The following CCDC73 variants were observed in gnomAD, a reference collection of about 807,000 sequenced individuals.
CCDC73 encodes coiled-coil domain-containing protein 73.
Under a neutral mutation model 116.5 loss-of-function variants are expected in CCDC73, and 95 were observed. The ratio of observed to expected loss-of-function variants is 0.82; its 90% CI spans 0.69 to 0.97. The LOEUF (loss-of-function observed/expected upper bound fraction) is 0.97, where lower values mean the gene tolerates loss of function less well. CCDC73 is among the 50% of genes least tolerant of loss of function. The pLI is 0.00. For missense variants in CCDC73, 1,066 were observed against 1,206.8 expected (o/e 0.88, Z 1.73); for synonymous variants, 398 against 401.3 (o/e 0.99, Z 0.10).
At position 32,663,778 on chromosome 11, in the gene CCDC73, C is replaced by T. The variant is rs573658710; in HGVS notation, c.646-8806G>A. Among the ~76,000 whole-genome samples the T allele has an allele frequency of 1.2e-4, 18 of 152,240 alleles. No individual in the cohort carries two copies. The South Asian group carries it at 2.5e-3, about 21-fold the overall frequency. On this transcript the variant is annotated intron_variant, in intron 9 of 17. Transcript: ENST00000335185. ...GTGCCAGTTTTCAAAGGGAATGCTT[C>T]GAGTTTTTGCCCATTCAGTATGATG...
intron 14 of CCDC73, 28 bp downstream of exon 14, chr11:32,635,668 T>C (rs1372535880): frequency 3.9e-6 from 5 of 1,265,990 alleles, no homozygotes; most frequent in Non-Finnish European, 5.1e-6. Flanking sequence ...TTTGATAGTT[T>C]GTACCCCACA....
At chr11:32,643,308 GTT>G (rs1855749546) in intron 12 of CCDC73, among the ~76,000 whole-genome samples, 1 of 152,136 alleles carries the variant, frequency 6.6e-6, no homozygotes, top group Admixed American at 6.5e-5. Context: ...GATTGCCTCT[GTT>G]TCAGGATAAC....
Position 32,629,941 on chromosome 11 carries a change from A to C in CCDC73, c.1185+5755T>G, listed in dbSNP as rs1476240423. Among the ~76,000 whole-genome samples, 6 of 151,482 alleles carry C rather than the reference A, an allele frequency of 4.0e-5. No individual in the cohort carries two copies. The East Asian group carries it at 9.7e-4, about 24-fold the overall frequency. ...ATATGCAAAAAAAAAAAAACAAAAA[A>C]AAAACGTTAAAAGGAAGTTCTTCAG... On this transcript the variant is annotated intron_variant, in intron 14 of 17. Coordinates refer to ENST00000335185, the MANE Select transcript of CCDC73 (RefSeq NM_001008391.4).
intron 7 of CCDC73, among the ~76,000 whole-genome samples, chr11:32,679,564 G>A (rs1190879104): frequency 1.3e-5 from 2 of 151,970 alleles, no homozygotes; most frequent in African/African-American, 4.8e-5. Context: ...GGGTTTCACT[G>A]TGTTGCCCAG....
chr11:32,611,537 AAAAC>A (rs757573459), intron 16 of CCDC73, among the ~76,000 whole-genome samples: 6 of 152,224 alleles, frequency 3.9e-5, no homozygotes, highest in Non-Finnish European at 7.3e-5. Context: ...AATACCTTCT[AAAAC>A]AAAATAACTC....
At chr11:32,715,300 T>G (rs922136447) in intron 3 of CCDC73, among the ~76,000 whole-genome samples, 4 of 152,184 alleles carry the variant, frequency 2.6e-5, no homozygotes, top group Non-Finnish European at 4.4e-5. Context: ...CTCTGTTCTC[T>G]TGGTTTAATA....
intron 12 of CCDC73, among the ~76,000 whole-genome samples, chr11:32,642,985 T>C (rs1475345408): frequency 6.6e-6 from 1 of 151,438 alleles, no homozygotes; most frequent in Non-Finnish European, 1.5e-5. Context: ...GTACGTAAAA[T>C]ATATATATAT....
intron 1 of CCDC73, among the ~76,000 whole-genome samples, chr11:32,790,336 T>A (rs1850664047): frequency 6.6e-6 from 1 of 152,224 alleles, no homozygotes; most frequent in South Asian, 2.1e-4. Flanking sequence ...CTATACTTAT[T>A]GTCAGATCAT....
At chr11:32,672,565 A>G (rs1856049510) in intron 9 of CCDC73, among the ~76,000 whole-genome samples, 1 of 152,180 alleles carries the variant, frequency 6.6e-6, no homozygotes, top group Non-Finnish European at 1.5e-5. Context: ...AAGAGACATC[A>G]ATGAAAATGT....
intron 6 of CCDC73, among the ~76,000 whole-genome samples, chr11:32,698,763 T>C (rs142517583): frequency 2.6e-5 from 4 of 152,346 alleles, no homozygotes; most frequent in African/African-American, 9.6e-5. Flanking sequence ...TGTTTGCACA[T>C]AGTAGACCCT....
intron 2 of CCDC73, among the ~76,000 whole-genome samples, chr11:32,734,452 T>C (rs1425935174): frequency 6.7e-6 from 1 of 150,344 alleles, no homozygotes. Flanking sequence ...TTATTGATCA[T>C]TCTTGGGTGT....
At chr11:32,737,182 A>C (rs1850140278) in intron 2 of CCDC73, among the ~76,000 whole-genome samples, 1 of 150,570 alleles carries the variant, frequency 6.6e-6, no homozygotes, top group African/African-American at 2.4e-5. Flanking sequence ...TGATTTTTTA[A>C]ACTTTTAAAA....
intron 9 of CCDC73, among the ~76,000 whole-genome samples, chr11:32,657,047 A>C (rs1855880368): frequency 6.6e-6 from 1 of 152,216 alleles, no homozygotes; most frequent in Admixed American, 6.5e-5. Flanking sequence ...ATGGAAAATG[A>C]CTCAATCCTA....
intron 9 of CCDC73, among the ~76,000 whole-genome samples, chr11:32,668,642 G>C (rs1856009172): frequency 6.6e-6 from 1 of 152,128 alleles, no homozygotes; most frequent in Non-Finnish European, 1.5e-5. Flanking sequence ...TTAGAAAGTG[G>C]TATGTGTAAG....
chr11:32,830,562 G>C, the CCDC73 span: 2 of 1,607,092 alleles, frequency 1.2e-6, no homozygotes, highest in East Asian at 2.2e-5. Flanking sequence ...TCAGCCAACT[G>C]CCCACAGTTA....
At chr11:32,630,653 A>G (rs1855623480) in intron 14 of CCDC73, among the ~76,000 whole-genome samples, 1 of 152,146 alleles carries the variant, frequency 6.6e-6, no homozygotes, top group Non-Finnish European at 1.5e-5. Flanking sequence ...GTTTTTGTAA[A>G]TATAATTTTA....
intron 1 of CCDC73, among the ~76,000 whole-genome samples, chr11:32,761,630 C>A (rs1850392640): frequency 1.3e-5 from 2 of 152,078 alleles, no homozygotes; most frequent in African/African-American, 4.8e-5. Context: ...TTTATTTTAG[C>A]CATTCTGATA....
At chr11:32,728,679 T>G (rs1309456731) in intron 2 of CCDC73, among the ~76,000 whole-genome samples, 5 of 151,816 alleles carry the variant, frequency 3.3e-5, no homozygotes. Context: ...GAATTCATAC[T>G]GATATTTCCA....
intron 2 of CCDC73, among the ~76,000 whole-genome samples, chr11:32,732,589 C>A (rs1313014292): frequency 6.6e-6 from 1 of 152,126 alleles, no homozygotes; most frequent in Non-Finnish European, 1.5e-5. Context: ...ACTCTACAAG[C>A]CAGAAGAGAG....
Sources: allele counts gnomAD v4.1 joint callset (sites outside exome capture counted in the v4.1 genomes callset), GRCh38; gene constraint gnomAD v4.1.1; transcripts MANE v1.5; gene names NCBI Gene and HGNC (gene_info 2026-07-23, HGNC 2026-07-21).